ZNF567: variants seen among roughly 807,000 people sequenced by gnomAD.
ZNF567 encodes the protein zinc finger protein 567.
In ZNF567, 36 loss-of-function variants were observed where a neutral mutation model predicts 53.9. The observed-to-expected ratio is 0.67, with a 90% confidence interval of 0.51 to 0.88. The LOEUF (loss-of-function observed/expected upper bound fraction) is 0.88. Among genes scored for constraint, ZNF567 ranks in the 40% least tolerant of loss-of-function variants. The probability of loss-of-function intolerance (pLI) is 0.00; values close to 1 mark genes in which losing one functional copy is unlikely to be tolerated. For synonymous variants in ZNF567, 224 were observed against 260.4 expected (o/e 0.86, Z 1.35); for missense variants, 619 against 764.7 (o/e 0.81, Z 2.25).
At chr19:36,723,184 T>C (rs773036949), downstream of ZNF567, 12 of 702,826 alleles carry the variant, frequency 1.7e-5, no homozygotes, top group South Asian at 1.8e-4. Context: ...ACCTTGTTTT[T>C]CTAGGTGGAG....
chr19:36,682,595 A>G, the ZNF567 span, among the ~76,000 whole-genome samples: 3 of 142,980 alleles, frequency 2.1e-5, no homozygotes, highest in African/African-American at 5.2e-5. Context: ...TTATTATTTT[A>G]TTATTATTAT....
intron 3 of ZNF567, among the ~76,000 whole-genome samples, chr19:36,705,920 A>ATTTTTATAGCCATTC (rs375223175): frequency 9.5e-4 from 144 of 152,284 alleles, no homozygotes; most frequent in African/African-American, 3.3e-3. Context: ...ATTTTGGTTA[A>ATTTTTATAGCCATTC]TATTTTTATA....
At chr19:36,710,268 C>A (rs547757987) in intron 3 of ZNF567, among the ~76,000 whole-genome samples, 1 of 141,726 alleles carries the variant, frequency 7.1e-6, no homozygotes, top group South Asian at 2.2e-4. Context: ...TTTAGAACAG[C>A]TACTTTGAAG....
the ZNF567 span, among the ~76,000 whole-genome samples, chr19:36,673,850 G>C: frequency 6.6e-6 from 1 of 152,182 alleles, no homozygotes; most frequent in African/African-American, 2.4e-5. Flanking sequence ...TGATGCAGGT[G>C]AGGCATCAAG....
rs370337701 is a variant in ZNF567, at chr19:36,719,679, C to A, written c.955C>A (p.Arg319Ser). Reference sequence around the variant, plus strand: ...TTGCAATGAATGTGGTAAGTCCTTCCGCCTCAAGACAGCCCTCACTGATCA... The same window carrying A: ...TTGCAATGAATGTGGTAAGTCCTTCAGCCTCAAGACAGCCCTCACTGATCA... ...FVCNECGKSF[R>S]LKTALTDHQR... is the part of the protein sequence containing the mutation. Residue 319 changes from arginine to serine, a missense_variant, in exon 6 of 6, where the codon CGC becomes AGC. Coordinates refer to ENST00000682579, the MANE Select transcript of ZNF567 (RefSeq NM_001322917.1). 1 of 1,613,790 alleles carries A rather than the reference C, an allele frequency of 6.2e-7. No individual in the cohort carries two copies. The highest frequency in any genetic ancestry group is 8.5e-7 in the Non-Finnish European group (1 of 1,179,912).
At chr19:36,680,300 T>G in the ZNF567 span, among the ~76,000 whole-genome samples, 52,344 of 151,986 alleles carry the variant, frequency 0.34, 9,535 homozygotes, top group African/African-American at 0.48. Flanking sequence ...AACAGAATCG[T>G]CTAGAACATT....
At chr19:36,703,153 C>G (rs1227299545) in intron 3 of ZNF567, among the ~76,000 whole-genome samples, 1 of 152,246 alleles carries the variant, frequency 6.6e-6, no homozygotes, top group African/African-American at 2.4e-5. Context: ...AGACAGGACC[C>G]TCAGCTGCAG....
chr19:36,679,751 CACTT>C, the ZNF567 span, among the ~76,000 whole-genome samples: 2 of 151,666 alleles, frequency 1.3e-5, no homozygotes, highest in African/African-American at 4.9e-5. Context: ...TGTATGATCT[CACTT>C]ACATGTGGAA....
the ZNF567 span, among the ~76,000 whole-genome samples, chr19:36,667,288 C>T: frequency 6.6e-6 from 1 of 151,290 alleles, no homozygotes; most frequent in African/African-American, 2.4e-5. Flanking sequence ...CACGCCAAGG[C>T]GGGCGGATCA....
At chr19:36,675,261 T>C in the ZNF567 span, among the ~76,000 whole-genome samples, 1 of 152,172 alleles carries the variant, frequency 6.6e-6, no homozygotes, top group Non-Finnish European at 1.5e-5. Context: ...ATACCTTGGC[T>C]GGGTGTGGTG....
the ZNF567 span, among the ~76,000 whole-genome samples, chr19:36,679,268 A>C: frequency 3.9e-5 from 6 of 152,196 alleles, no homozygotes; most frequent in Admixed American, 3.9e-4. Context: ...CCTGGGCGAC[A>C]GCGCGAGACT....
intron 5 of ZNF567, among the ~76,000 whole-genome samples, chr19:36,715,509 A>AATAATTATTATTATT (rs1309147349): frequency 6.5e-5 from 3 of 45,824 alleles, no homozygotes; most frequent in African/African-American, 3.5e-4. Context: ...TAATAATAAT[A>AATAATTATTATTATT]ATTATTATTA....
At chr19:36,713,001 CT>C (rs1183626431) in intron 5 of ZNF567, 134 bp downstream of exon 5, 2 of 681,774 alleles carry the variant, frequency 2.9e-6, no homozygotes, top group African/African-American at 3.6e-5. Context: ...ACCTTCATGC[CT>C]ATAAAACTCA....
chr19:36,681,676 C>T, the ZNF567 span, among the ~76,000 whole-genome samples: 1 of 151,904 alleles, frequency 6.6e-6, no homozygotes, highest in Non-Finnish European at 1.5e-5. Context: ...GCGATTGGCC[C>T]ACCTTGTCCT....
chr19:36,720,721 T>G lies in ZNF567; in HGVS notation c.*53T>G. The G allele has an allele frequency of 6.9e-6, 10 of 1,451,072 alleles. No individual in the cohort carries two copies. In the South Asian group the frequency reaches 1.6e-4, roughly 23 times the overall value. The allele number at this position is 1,451,072 out of a possible 1,614,324, so 89.9% of individuals were successfully genotyped here. ...TACAAGCTGTTGTAAACATTTAGTT[T>G]TAAAAAGAAAAGCATGCTGAAACAT... On this transcript the variant is annotated 3_prime_UTR_variant, in exon 6 of 6. Coordinates refer to ENST00000682579, the MANE Select transcript of ZNF567 (RefSeq NM_001322917.1).
chr19:36,669,395 T>G, the ZNF567 span: 2 of 152,180 alleles, frequency 1.3e-5, no homozygotes, highest in Admixed American at 6.5e-5. Context: ...AAAATCCGAA[T>G]GAAAGATTGC....
intron 3 of ZNF567, among the ~76,000 whole-genome samples, chr19:36,711,056 T>C (rs2039756585): frequency 1.3e-5 from 2 of 150,094 alleles, no homozygotes; most frequent in Admixed American, 1.4e-4. Flanking sequence ...TAACCTAAAT[T>C]TCCAGCTCTC....
At chr19:36,712,204 GC>G (rs1480043156) in intron 3 of ZNF567, 181 bp from the exon 4 acceptor site, 1 of 510,314 alleles carries the variant, frequency 2.0e-6, no homozygotes, top group Non-Finnish European at 3.5e-6. Flanking sequence ...ACACCACTAT[GC>G]CCAGCTAATT....
intron 5 of ZNF567, among the ~76,000 whole-genome samples, chr19:36,715,491 AATAATAATAATAATAATAATT>A (rs1426335000): frequency 1.5e-3 from 96 of 64,396 alleles, no homozygotes; most frequent in Admixed American, 5.1e-3. Context: ...TAATAATAAT[AATAATAATAATAATAATAATT>A]ATTATTATTA....
Sources: allele counts gnomAD v4.1 joint callset (sites outside exome capture counted in the v4.1 genomes callset), GRCh38; gene constraint gnomAD v4.1.1; transcripts MANE v1.5; gene names NCBI Gene and HGNC (gene_info 2026-07-23, HGNC 2026-07-21).